The following TOX3 variants were observed in gnomAD, a reference collection of about 807,000 sequenced individuals.
The protein encoded by TOX3 is CAG trinucleotide repeat-containing gene F9 protein.
TOX3 carries 22 observed loss-of-function variants against 64.3 expected under a neutral mutation model. That is an observed-to-expected ratio of 0.34 (90% confidence interval 0.24 to 0.49). The LOEUF (loss-of-function observed/expected upper bound fraction) is 0.49, where lower values mean the gene tolerates loss of function less well. TOX3 is among the 20% of genes least tolerant of loss of function. The pLI is 0.99. For missense variants in TOX3, 661 were observed against 714.4 expected, an observed-to-expected ratio of 0.93 and a Z score of 0.85; for synonymous variants, 291 against 273.6, an observed-to-expected ratio of 1.06 and a Z score of -0.63.
chr16:52,487,675 C>G (rs746998794), intron 1 of TOX3, among the ~76,000 whole-genome samples: 9 of 152,282 alleles, frequency 5.9e-5, no homozygotes, highest in Non-Finnish European at 8.8e-5. Context: ...TGTCCTGTAT[C>G]TTTTCAATAA....
intron 1 of TOX3, among the ~76,000 whole-genome samples, chr16:52,479,253 T>C (rs1961302056): frequency 6.6e-6 from 1 of 152,174 alleles, no homozygotes; most frequent in Non-Finnish European, 1.5e-5. Flanking sequence ...CTACCTAATG[T>C]CATCAAAGTG....
chr16:52,440,107 T>C, intron 6 of TOX3, 139 bp from the exon 7 acceptor site: 1 of 704,564 alleles, frequency 1.4e-6, no homozygotes, highest in Non-Finnish European at 2.2e-6. Flanking sequence ...CTCTTTGTCT[T>C]GTGACTTTTT....
At chr16:52,508,393 G>A (rs1420525075) in intron 1 of TOX3, among the ~76,000 whole-genome samples, 1 of 152,128 alleles carries the variant, frequency 6.6e-6, no homozygotes, top group Non-Finnish European at 1.5e-5. Context: ...GCCCATGATA[G>A]CAAAGCACTG....
rs1959847423 is a variant in TOX3 at position 52,439,146 on chromosome 16, T to C, written c.*79A>G. 5.6e-6 allele frequency: 9 copies of C among 1,593,602 alleles called. No homozygotes were observed. Among genetic ancestry groups the C allele is most frequent in the Non-Finnish European group, 7.7e-6 (9 of 1,169,226 alleles). On this transcript the variant is annotated 3_prime_UTR_variant, in exon 7 of 7. Coordinates refer to ENST00000219746, the MANE Select transcript of TOX3 (RefSeq NM_001080430.4). ...CATTTCTGCATAACCAACACCAACT[T>C]ACAGGTTTCAGCCACATATGCTTTT...
rs1043872623 is a variant in TOX3 at position 52,437,932 on chromosome 16, T to A, written c.*1293A>T. 1 of 152,542 alleles carries A rather than the reference T, an allele frequency of 6.6e-6. No homozygotes were observed. The highest frequency in any genetic ancestry group is 6.5e-5 in the Admixed American group (1 of 15,270). 9.4% of individuals were successfully genotyped at this position (152,542 alleles called of 1,614,324 possible). A position where few individuals can be genotyped will look rare whatever the true frequency, so the allele number is the denominator to read the frequency against. On this transcript the variant is annotated 3_prime_UTR_variant, in exon 7 of 7. Coordinates refer to ENST00000219746, the MANE Select transcript of TOX3 (RefSeq NM_001080430.4). ...ATATTTCCAATTGAAAAATGGAAGA[T>A]GATGTTTGGGCTAAAACGAAACTTG...
rs576323528 is a variant in TOX3 at position 52,453,992 on chromosome 16, A to G, written c.409-3446T>C. On this transcript the variant is annotated intron_variant, in intron 3 of 6. Coordinates refer to ENST00000219746, the MANE Select transcript of TOX3 (RefSeq NM_001080430.4). ...TTTAATCCCCTAGATTGCTTTCTGC[A>G]TTAGATACTAGTACTATACTTATTC... Among the ~76,000 whole-genome samples the G allele has an allele frequency of 1.0e-3, 156 of 152,336 alleles. 1 individual carries two copies. Among genetic ancestry groups the G allele is most frequent in the Non-Finnish European group, 2.0e-3 (138 of 68,032 alleles).
chr16:52,443,817 G>A (rs1296842461), intron 6 of TOX3, among the ~76,000 whole-genome samples: 1 of 152,018 alleles, frequency 6.6e-6, no homozygotes, highest in African/African-American at 2.4e-5. Context: ...CATTTTAAAT[G>A]ATCATGAGGT....
intron 1 of TOX3, among the ~76,000 whole-genome samples, chr16:52,512,577 A>G (rs1962340771): frequency 6.6e-6 from 1 of 152,240 alleles, no homozygotes; most frequent in Admixed American, 6.5e-5. Context: ...GTGACTGGGG[A>G]CAGGCAAAGG....
At chr16:52,468,758 G>T (rs1207938193) in intron 1 of TOX3, among the ~76,000 whole-genome samples, 184 bp from the exon 2 acceptor site, 1 of 152,156 alleles carries the variant, frequency 6.6e-6, no homozygotes, top group African/African-American at 2.4e-5. Context: ...ACAGAGTTAA[G>T]CTAACTCAAT....
chr16:52,480,100 ATT>A (rs750589136), intron 1 of TOX3, among the ~76,000 whole-genome samples: 2 of 152,184 alleles, frequency 1.3e-5, no homozygotes, highest in Non-Finnish European at 2.9e-5. Flanking sequence ...CTCATTGGCC[ATT>A]GCAACACCAG....
intron 1 of TOX3, among the ~76,000 whole-genome samples, chr16:52,487,262 A>G (rs1159384377): frequency 6.6e-6 from 1 of 151,676 alleles, no homozygotes; most frequent in Non-Finnish European, 1.5e-5. Context: ...CCCTAATCCC[A>G]CAATCCTCTC....
intron 1 of TOX3, among the ~76,000 whole-genome samples, chr16:52,518,050 T>G (rs980401039): frequency 2.0e-5 from 3 of 152,170 alleles, no homozygotes; most frequent in Non-Finnish European, 4.4e-5. Flanking sequence ...TTTTGGAATT[T>G]GAAACATCCC....
intron 3 of TOX3, among the ~76,000 whole-genome samples, chr16:52,455,760 A>C (rs1161673097): frequency 6.6e-6 from 1 of 152,188 alleles, no homozygotes; most frequent in African/African-American, 2.4e-5. Flanking sequence ...CAGCATGTGC[A>C]AGGTCTGAAG....
At chr16:52,494,453 T>G (rs1219402152) in intron 1 of TOX3, among the ~76,000 whole-genome samples, 2 of 152,238 alleles carry the variant, frequency 1.3e-5, no homozygotes, top group Non-Finnish European at 2.9e-5. Flanking sequence ...AATACACCTC[T>G]ATTACATTTA....
intron 1 of TOX3, among the ~76,000 whole-genome samples, chr16:52,530,184 C>A (rs372470181): frequency 6.6e-6 from 1 of 152,188 alleles, no homozygotes; most frequent in African/African-American, 2.4e-5. Flanking sequence ...CATATGTTGG[C>A]AACATTTATC....
intron 1 of TOX3, among the ~76,000 whole-genome samples, chr16:52,485,246 G>GTGTGTATATATA (rs1555484130): frequency 2.3e-5 from 3 of 127,890 alleles, no homozygotes; most frequent in African/African-American, 1.0e-4. Flanking sequence ...ATGTGTGTGT[G>GTGTGTATATATA]TATATATATA....
chr16:52,521,504 T>C (rs1318099821), intron 1 of TOX3, among the ~76,000 whole-genome samples: 1 of 152,236 alleles, frequency 6.6e-6, no homozygotes, highest in Non-Finnish European at 1.5e-5. Context: ...TGCTTCATTT[T>C]ACATAAAGCC....
intron 3 of TOX3, among the ~76,000 whole-genome samples, chr16:52,461,101 A>C (rs964691277): frequency 3.9e-5 from 6 of 152,164 alleles, no homozygotes; most frequent in Non-Finnish European, 8.8e-5. Context: ...TTAAAAAAAA[A>C]CACACACAAC....
chr16:52,446,968 A>T (rs1479996234), intron 4 of TOX3, among the ~76,000 whole-genome samples: 1 of 152,232 alleles, frequency 6.6e-6, no homozygotes, highest in Non-Finnish European at 1.5e-5. Flanking sequence ...TAAAAAGAAG[A>T]TGTTTGTTAT....
Sources: allele counts gnomAD v4.1 joint callset (sites outside exome capture counted in the v4.1 genomes callset), GRCh38; gene constraint gnomAD v4.1.1; transcripts MANE v1.5; gene names NCBI Gene and HGNC (gene_info 2026-07-23, HGNC 2026-07-21).